NECTIN1: variants seen among roughly 807,000 people sequenced by gnomAD.
The protein encoded by NECTIN1 is nectin-1.
A neutral mutation model predicts 48.0 loss-of-function variants in NECTIN1; 23 were observed. The observed-to-expected ratio is 0.48, with a 90% CI of 0.34 to 0.68. The LOEUF (loss-of-function observed/expected upper bound fraction) is 0.68, where lower values mean the gene tolerates loss of function less well. NECTIN1 is among the 30% of genes least tolerant of loss of function. The probability of loss-of-function intolerance (pLI) is 0.01; values close to 1 mark genes in which losing one functional copy is unlikely to be tolerated. For synonymous variants in NECTIN1, 270 were observed against 288.9 expected, an observed-to-expected ratio of 0.93 and a Z score of 0.66; for missense variants, 591 against 709.9, an observed-to-expected ratio of 0.83 and a Z score of 1.90.
At chr11:119,639,965 C>T in exon 6 of NECTIN1, 2 of 1,614,064 alleles carry the variant, frequency 1.2e-6, no homozygotes, top group African/African-American at 1.3e-5. Flanking sequence ...ACGGTGCCCG[C>T]CAGGAGCCTG....
chr11:119,662,313 C>T lies in NECTIN1; in HGVS notation c.*2434G>A, dbSNP rs144423873. The T allele has an allele frequency of 2.5e-5, 25 of 985,824 alleles. No individual in the cohort carries two copies. The African/African-American group carries it at 4.0e-4, about 16-fold the overall frequency. 61.1% of individuals were successfully genotyped at this position (985,824 alleles called of 1,614,324 possible). ...TTGGGGCACAGAAAACCTCACATCC[C>T]TAGGTCCAAGTGCTGACTCCTGCCT... On this transcript the variant is annotated 3_prime_UTR_variant, in exon 6 of 6. Coordinates refer to ENST00000264025, the MANE Select transcript of NECTIN1 (RefSeq NM_002855.5). The surrounding 1 kb of genome is among the most constrained non-coding windows in gnomAD (Gnocchi z 5.3).
chr11:119,688,561 T>C lies in NECTIN1; in HGVS notation c.80-9796A>G, dbSNP rs531518177. 8.8e-4 allele frequency among the ~76,000 whole-genome samples: 134 copies of C among 152,288 alleles called. 1 individual carries two copies. The highest frequency in any genetic ancestry group is 3.8e-3 in the Admixed American group (58 of 15,304). On this transcript the variant is annotated intron_variant, in intron 1 of 5. Coordinates refer to ENST00000264025, the MANE Select transcript of NECTIN1 (RefSeq NM_002855.5). ...ATGACAAAATAACCACAGACATTGC[T>C]GCATCTCCCATGGCAGGCAAAATCA...
chr11:119,696,790 A>C (rs1865347498), intron 1 of NECTIN1, among the ~76,000 whole-genome samples: 1 of 152,210 alleles, frequency 6.6e-6, no homozygotes, highest in African/African-American at 2.4e-5. Flanking sequence ...AGGCTCAGGC[A>C]GGCCCCGGAA....
At chr11:119,645,175 T>C (rs1473452397) in intron 5 of NECTIN1, among the ~76,000 whole-genome samples, 1 of 152,078 alleles carries the variant, frequency 6.6e-6, no homozygotes, top group Non-Finnish European at 1.5e-5. Context: ...GGAGGTCAAA[T>C]TGGCTGGAGG....
At chr11:119,699,137 T>C (rs1393575650) in intron 1 of NECTIN1, among the ~76,000 whole-genome samples, 1 of 152,168 alleles carries the variant, frequency 6.6e-6, no homozygotes, top group African/African-American at 2.4e-5. Context: ...TCATCATCTC[T>C]GCAGAGGATA....
intron 1 of NECTIN1, among the ~76,000 whole-genome samples, chr11:119,705,889 G>A (rs565973385): frequency 3.3e-5 from 5 of 151,990 alleles, no homozygotes; most frequent in Non-Finnish European, 5.9e-5. Flanking sequence ...CTCCAGGTGA[G>A]ACAGCTGGCA....
rs1865600311 is a variant in NECTIN1, at chr11:119,709,497, GC to G, written c.79+18977del. Among the ~76,000 whole-genome samples, 1 of 152,190 alleles carries G rather than the reference GC, an allele frequency of 6.6e-6. No homozygotes were observed. Among genetic ancestry groups the G allele is most frequent in the East Asian group, 1.9e-4 (1 of 5,178 alleles). ...TGGGGCCCTGAGCGTCTGTAACCAG[GC>G]TGTGAGGAAGCACTCACTTCCAGGG... On this transcript the variant is annotated intron_variant, in intron 1 of 5. Coordinates refer to ENST00000264025, the MANE Select transcript of NECTIN1 (RefSeq NM_002855.5). This position sits in a 1 kb window ranked among gnomAD's most constrained non-coding sequence, Gnocchi z 4.1.
At chr11:119,713,630 G>A (rs535429553) in intron 1 of NECTIN1, 7 of 312,074 alleles carry the variant, frequency 2.2e-5, no homozygotes, top group South Asian at 4.6e-5. Flanking sequence ...AACACCAACC[G>A]CTACTCTCAG....
At position 119,662,758 on chromosome 11, in the gene NECTIN1, C is replaced by T; in HGVS notation, c.*1989G>A. 1 of 986,518 alleles carries T rather than the reference C, an allele frequency of 1.0e-6. No individual in the cohort carries two copies. The highest frequency in any genetic ancestry group is 1.2e-6 in the Non-Finnish European group (1 of 830,560). The allele number at this position is 986,518 out of a possible 1,614,324, so 61.1% of individuals were successfully genotyped here. On this transcript the variant is annotated 3_prime_UTR_variant, in exon 6 of 6. Transcript: ENST00000264025. The surrounding 1 kb of genome is among the most constrained non-coding windows in gnomAD (Gnocchi z 5.3). Reference sequence around the variant, plus strand: ...ACTAATACTGCTGGGAAAAGCAGCCCAGCTCCTCCACCTCCCTCTGCCCTG... The same window carrying T: ...ACTAATACTGCTGGGAAAAGCAGCCTAGCTCCTCCACCTCCCTCTGCCCTG...
At chr11:119,648,731 G>A (rs927372975) in intron 5 of NECTIN1, among the ~76,000 whole-genome samples, 2 of 152,050 alleles carry the variant, frequency 1.3e-5, no homozygotes, top group Non-Finnish European at 2.9e-5. Flanking sequence ...AGTGTCTGGG[G>A]TCTTTGTCAG....
intron 5 of NECTIN1, among the ~76,000 whole-genome samples, chr11:119,649,233 T>A (rs1261915013): frequency 6.6e-6 from 1 of 151,968 alleles, no homozygotes; most frequent in Non-Finnish European, 1.5e-5. Context: ...ACAAAAAAAT[T>A]AGCTGGGCAT....
Position 119,663,565 on chromosome 11 carries a change from C to T in NECTIN1, c.*1182G>A, listed in dbSNP as rs770831675. 174 of 985,454 alleles carry T rather than the reference C, an allele frequency of 1.8e-4. No homozygotes were observed. Among genetic ancestry groups the T allele is most frequent in the Non-Finnish European group, 1.9e-4 (157 of 829,970 alleles). 61.0% of individuals were successfully genotyped at this position (985,454 alleles called of 1,614,324 possible). A position where few individuals can be genotyped will look rare whatever the true frequency, so the allele number is the denominator to read the frequency against. The stretch of plus-strand genomic sequence containing the variant: ...AGGCATTGTATGGACTCCTCAGTCC[C>T]TCGGACTGTGTTTGCAGAGCTTCTG... On this transcript the variant is annotated 3_prime_UTR_variant, in exon 6 of 6. Coordinates refer to ENST00000264025, the MANE Select transcript of NECTIN1 (RefSeq NM_002855.5).
chr11:119,660,192 AAGG>A (rs1864637704), downstream of NECTIN1, among the ~76,000 whole-genome samples: 1 of 149,908 alleles, frequency 6.7e-6, no homozygotes, highest in Non-Finnish European at 1.5e-5. Flanking sequence ...ATTTCAGTGA[AAGG>A]AGATGCTACT....
In NECTIN1 at chr11:119,663,951, TGTGTGTGTGTGTGCAC is replaced by T. The variant is rs1289898169; in HGVS notation, c.*780_*795del. ...CAGGCAGAGAGGAGCAGTGTGTGCA[TGTGTGTGTGTGTGCAC>T]GTGTCAGCAGAGGCAGAGAGCAAGT... On this transcript the variant is annotated 3_prime_UTR_variant, in exon 6 of 6. Coordinates refer to ENST00000264025, the MANE Select transcript of NECTIN1 (RefSeq NM_002855.5). 1.0e-6 allele frequency: 1 copy of T among 979,070 alleles called. No homozygotes were observed. The highest frequency in any genetic ancestry group is 6.2e-5 in the Admixed American group (1 of 16,212). 60.6% of individuals were successfully genotyped at this position (979,070 alleles called of 1,614,324 possible).
At chr11:119,718,847 C>T (rs1279897690) in intron 1 of NECTIN1, among the ~76,000 whole-genome samples, 2 of 152,160 alleles carry the variant, frequency 1.3e-5, no homozygotes, top group African/African-American at 4.8e-5. Flanking sequence ...ATCCCTTATC[C>T]CTAATGCTTG....
At chr11:119,646,500 T>G (rs1223885558) in intron 5 of NECTIN1, among the ~76,000 whole-genome samples, 1 of 152,202 alleles carries the variant, frequency 6.6e-6, no homozygotes. Context: ...TGGGCCAAGT[T>G]AAACCCGTGG....
At chr11:119,724,377 G>T (rs1450675121) in intron 1 of NECTIN1, among the ~76,000 whole-genome samples, 1 of 152,122 alleles carries the variant, frequency 6.6e-6, no homozygotes. Context: ...TATCTCTCCC[G>T]GTGTGGTCAA....
At chr11:119,698,827 G>C (rs1411119484) in intron 1 of NECTIN1, among the ~76,000 whole-genome samples, 1 of 152,190 alleles carries the variant, frequency 6.6e-6, no homozygotes, top group East Asian at 1.9e-4. Flanking sequence ...TAGGATCATG[G>C]ACAGGGCTGC....
At chr11:119,643,667 CCCCAGCCAGAA>C (rs1489131470) in intron 5 of NECTIN1, among the ~76,000 whole-genome samples, 9 of 152,234 alleles carry the variant, frequency 5.9e-5, no homozygotes, top group Admixed American at 5.9e-4. Context: ...CTGGTGCTGG[CCCCAGCCAGAA>C]CCCTGGCATT....
Sources: gnomAD v4.1 joint callset for allele counts (sites outside exome capture counted in the v4.1 genomes callset) on GRCh38, gnomAD v4.1.1 for gene constraint, Gnocchi (gnomAD v3.1) non-coding constraint, MANE v1.5 for transcripts, NCBI Gene and HGNC (gene_info 2026-07-23, HGNC 2026-07-21) for gene names.